The following ABCG1 variants were observed in gnomAD, a reference collection of about 807,000 sequenced individuals.
ABCG1 encodes ATP binding cassette subfamily G member 1.
In ABCG1, 29 loss-of-function variants were observed where a neutral mutation model predicts 69.2. The ratio of observed to expected loss-of-function variants is 0.42; its 90% CI spans 0.31 to 0.57. The LOEUF (loss-of-function observed/expected upper bound fraction) is 0.57. ABCG1 is among the 20% of genes least tolerant of loss of function. The probability of loss-of-function intolerance (pLI) is 0.15; values close to 1 mark genes in which losing one functional copy is unlikely to be tolerated. For synonymous variants in ABCG1, 370 were observed against 374.8 expected (o/e 0.99, Z 0.15); for missense variants, 718 against 898.1 (o/e 0.80, Z 2.56).
At chr21:42,261,315 A>G (rs2068408866) in intron 2 of ABCG1, among the ~76,000 whole-genome samples, 1 of 151,764 alleles carries the variant, frequency 6.6e-6, no homozygotes, top group Non-Finnish European at 1.5e-5. Flanking sequence ...TGCTCAGGCC[A>G]GGGTGACAGT....
At chr21:42,202,343 G>A (rs2067512731) in intron 2 of ABCG1, among the ~76,000 whole-genome samples, 1 of 152,180 alleles carries the variant, frequency 6.6e-6, no homozygotes, top group Admixed American at 6.5e-5. Flanking sequence ...TCTCAGGCTG[G>A]TGGGAGTGCC....
In ABCG1 at chr21:42,225,769, C is replaced by T. The variant is rs145475211; in HGVS notation, c.141C>T (p.Asp47=). Residue 47 remains aspartate, a synonymous_variant, in exon 2 of 15, where the codon GAC becomes GAT. Coordinates refer to ENST00000398449, the MANE Select transcript of ABCG1 (RefSeq NM_016818.3). ...VSSNMEATET[D]LLNGHLKKVD... ...GCAACATGGAGGCCACTGAGACGGA[C>T]CTGCTGAATGGACATCTGAAAAAAG... 7 of 1,613,886 alleles carry T rather than the reference C, an allele frequency of 4.3e-6. No individual in the cohort carries two copies. Among genetic ancestry groups the T allele is most frequent in the Non-Finnish European group, 5.9e-6 (7 of 1,179,982 alleles).
At chr21:42,294,351 C>A (rs1287784471) in intron 13 of ABCG1, among the ~76,000 whole-genome samples, 191 bp from the exon 14 acceptor site, 2 of 152,198 alleles carry the variant, frequency 1.3e-5, no homozygotes, top group African/African-American at 4.8e-5. Context: ...AGCAGGGCAG[C>A]CGGGGGGTCC....
rs752450847 is a variant in ABCG1 at position 42,287,884 on chromosome 21, T to G, written c.974-5T>G. On this transcript the variant is annotated splice_region_variant and splice_polypyrimidine_tract_variant and intron_variant, in intron 8 of 14. Transcript: ENST00000398449. The surrounding 1 kb of genome is among the most constrained non-coding windows in gnomAD (Gnocchi z 6.2). The stretch of plus-strand genomic sequence containing the variant: ...CGGGCTGACCCCCGTCTGTGTCTCC[T>G]GCAGTCATGGAGGTTGCATCCGGCG... 1.3e-6 allele frequency: 2 copies of G among 1,567,896 alleles called. No homozygotes were observed. Among genetic ancestry groups the G allele is most frequent in the Non-Finnish European group, 1.7e-6 (2 of 1,154,324 alleles).
rs180887976 is a variant in ABCG1, at chr21:42,278,700, G to A, written c.588+1755G>A. The stretch of plus-strand genomic sequence containing the variant: ...GAAACCAGCCAGTGTGGGGGACTTC[G>A]TTACAGCAGTGAACGTAACAAACGA... On this transcript the variant is annotated intron_variant, in intron 5 of 14. Transcript: ENST00000398449. Among the ~76,000 whole-genome samples, 11 of 152,296 alleles carry A rather than the reference G, an allele frequency of 7.2e-5. 1 individual carries two copies. The highest frequency in any genetic ancestry group is 6.2e-4 in the South Asian group (3 of 4,818).
At chr21:42,290,015 C>G (rs542643049) in intron 10 of ABCG1, 35 bp from the exon 11 acceptor site, 2 of 1,614,006 alleles carry the variant, frequency 1.2e-6, no homozygotes, top group African/African-American at 1.3e-5. Flanking sequence ...GACGGCTTTG[C>G]GAACGCACTG....
chr21:42,203,512 G>A (rs184052924), intron 2 of ABCG1, among the ~76,000 whole-genome samples: 22 of 152,330 alleles, frequency 1.4e-4, no homozygotes, highest in Non-Finnish European at 2.2e-4. Flanking sequence ...AAATGTGTCA[G>A]CAGCACTTGC....
upstream of ABCG1, among the ~76,000 whole-genome samples, chr21:42,217,366 C>G (rs1309218285): frequency 7.2e-5 from 11 of 152,180 alleles, no homozygotes; most frequent in Admixed American, 7.2e-4. Context: ...TCCTCCCCGG[C>G]TGTGTTCCGT....
At chr21:42,229,060 G>C (rs2067862433) in intron 2 of ABCG1, among the ~76,000 whole-genome samples, 1 of 152,190 alleles carries the variant, frequency 6.6e-6, no homozygotes, top group Non-Finnish European at 1.5e-5. Flanking sequence ...CCCCTCCCAT[G>C]CATGGGTTCC....
intron 3 of ABCG1, among the ~76,000 whole-genome samples, chr21:42,272,621 G>T (rs1317349522): frequency 1.3e-5 from 2 of 152,164 alleles, no homozygotes; most frequent in Non-Finnish European, 2.9e-5. Context: ...CCAGCTCCCG[G>T]GCTGCACTGA....
chr21:42,253,543 C>CAGGCA (rs2068256426), intron 2 of ABCG1, among the ~76,000 whole-genome samples: 1 of 152,178 alleles, frequency 6.6e-6, no homozygotes, highest in Non-Finnish European at 1.5e-5. Flanking sequence ...ATTGGACCCC[C>CAGGCA]AGGCAAGCAG....
intron 13 of ABCG1, among the ~76,000 whole-genome samples, chr21:42,293,038 CACACCACA>C (rs1307029474): frequency 7.7e-6 from 1 of 130,306 alleles, no homozygotes; most frequent in African/African-American, 2.9e-5. Context: ...CTACACACTA[CACACCACA>C]CACACTACAC....
chr21:42,255,138 C>T (rs1315349627), intron 2 of ABCG1, among the ~76,000 whole-genome samples: 1 of 152,246 alleles, frequency 6.6e-6, no homozygotes, highest in Non-Finnish European at 1.5e-5. Flanking sequence ...ATGCTTCATG[C>T]CTGACAGGCA....
At chr21:42,239,441 T>C (rs998221564) in intron 2 of ABCG1, among the ~76,000 whole-genome samples, 2 of 152,264 alleles carry the variant, frequency 1.3e-5, no homozygotes, top group African/African-American at 2.4e-5. Context: ...TGTGGCTTGA[T>C]ACCTTAGGCT....
At chr21:42,201,905 C>T (rs118004258) in intron 2 of ABCG1, among the ~76,000 whole-genome samples, 4,862 of 152,284 alleles carry the variant, frequency 0.032, 130 homozygotes, top group Non-Finnish European at 0.047. Flanking sequence ...CCTGTGTCTC[C>T]AACCTTCAGC....
At chr21:42,286,885 G>A (rs4148135) in intron 8 of ABCG1, among the ~76,000 whole-genome samples, 2,152 of 152,290 alleles carry the variant, frequency 0.014, 37 homozygotes, top group East Asian at 0.097. Flanking sequence ...TTGAGGGTGT[G>A]GGTGACCAGA....
At chr21:42,282,941 T>A (rs559591949) in intron 6 of ABCG1, among the ~76,000 whole-genome samples, 1 of 152,184 alleles carries the variant, frequency 6.6e-6, no homozygotes, top group African/African-American at 2.4e-5. Flanking sequence ...CCACGGGCGC[T>A]CTGACCCCTT....
intron 4 of ABCG1, among the ~76,000 whole-genome samples, chr21:42,275,676 C>G (rs1202843213): frequency 1.3e-5 from 2 of 152,218 alleles, no homozygotes; most frequent in Non-Finnish European, 2.9e-5. Flanking sequence ...CCTCTCCCAA[C>G]CTCGCCACCG....
At chr21:42,252,861 C>T (rs2068244862) in intron 2 of ABCG1, among the ~76,000 whole-genome samples, 1 of 152,150 alleles carries the variant, frequency 6.6e-6, no homozygotes, top group Non-Finnish European at 1.5e-5. Flanking sequence ...AAGCCCTCCT[C>T]CCTGACATCA....
Sources: gnomAD v4.1 joint callset for allele counts (sites outside exome capture counted in the v4.1 genomes callset) on GRCh38, gnomAD v4.1.1 for gene constraint, Gnocchi (gnomAD v3.1) non-coding constraint, MANE v1.5 for transcripts, NCBI Gene and HGNC (gene_info 2026-07-23, HGNC 2026-07-21) for gene names.